Variants in WWP1 observed in about 807,000 individuals in gnomAD.
WWP1 encodes the protein NEDD4-like E3 ubiquitin-protein ligase WWP1.
WWP1 carries 49 observed loss-of-function variants against 130.6 expected under a neutral mutation model. The ratio of observed to expected loss-of-function variants is 0.38; its 90% CI spans 0.30 to 0.48. WWP1 has a LOEUF of 0.48. Among genes scored for constraint, WWP1 ranks in the 20% least tolerant of loss-of-function variants. WWP1 has a pLI of 0.99. For synonymous variants in WWP1, 332 were observed against 367.8 expected (o/e 0.90, Z 1.11); for missense variants, 809 against 1,100.6 (o/e 0.74, Z 3.75).
chr8:86,452,998 A>G lies in WWP1; in HGVS notation c.2394+319A>G, dbSNP rs1428511802. 8.5e-5 allele frequency among the ~76,000 whole-genome samples: 13 copies of G among 152,206 alleles called. 1 individual carries two copies. The highest frequency in any genetic ancestry group is 8.5e-4 in the Admixed American group (13 of 15,276). ...AGTTGCTTCAAAGATCAGAATTTTA[A>G]GTCATGAGTTCTTAGTGGTCTTAAC... On this transcript the variant is annotated intron_variant, in intron 21 of 24. Coordinates refer to ENST00000517970, the MANE Select transcript of WWP1 (RefSeq NM_007013.4).
intron 22 of WWP1, among the ~76,000 whole-genome samples, chr8:86,458,243 A>C (rs551498451): frequency 6.6e-6 from 1 of 152,320 alleles, no homozygotes; most frequent in South Asian, 2.1e-4. Flanking sequence ...GAGTGACAGA[A>C]TCTTATTTAA....
Position 86,377,462 on chromosome 8 carries a change from GT to G in WWP1, c.71-3261del, listed in dbSNP as rs542643911. Among the ~76,000 whole-genome samples the G allele has an allele frequency of 1.9e-4, 29 of 151,720 alleles. No individual in the cohort carries two copies. The South Asian group carries it at 6.0e-3, about 32-fold the overall frequency. ...ACCCCTCTAATATTGCAGTCTGGCT[GT>G]TTATTGTCTGTAAACCGAGGTTCTC... On this transcript the variant is annotated intron_variant, in intron 3 of 24. Coordinates refer to ENST00000517970, the MANE Select transcript of WWP1 (RefSeq NM_007013.4).
At chr8:86,445,100 C>T (rs1810789015) in intron 18 of WWP1, among the ~76,000 whole-genome samples, 2 of 152,126 alleles carry the variant, frequency 1.3e-5, no homozygotes, top group Non-Finnish European at 2.9e-5. Flanking sequence ...AAGTGCCATA[C>T]TCTTTTTAAA....
In WWP1 at chr8:86,457,976, T is replaced by C; in HGVS notation, c.2450T>C (p.Val817Ala). ...VDLADWQRNT[V>A]YRHYTRNSKQ... ...TTGGCAGATTGGCAGAGAAATACTG[T>C]TTATCGACATTATACAAGAAACAGC... Residue 817 changes from valine (V) to alanine (A), a missense_variant, in exon 22 of 25, where the codon GTT (valine) becomes GCT (alanine). Val to Ala is a moderately conservative substitution (Grantham distance 64). Around this residue, in one of 3 missense-constraint regions of WWP1, gnomAD observed 450 missense variants for 674.2 expected, o/e 0.67. Coordinates refer to ENST00000517970, the MANE Select transcript of WWP1 (RefSeq NM_007013.4). 1 of 1,613,078 alleles carries C rather than the reference T, an allele frequency of 6.2e-7. No homozygotes were observed. Among genetic ancestry groups the C allele is most frequent in the African/African-American group, 1.3e-5 (1 of 75,038 alleles).
intron 8 of WWP1, among the ~76,000 whole-genome samples, chr8:86,410,461 A>G (rs1048108183): frequency 1.3e-5 from 2 of 152,068 alleles, no homozygotes; most frequent in African/African-American, 4.8e-5. Context: ...TGTTTTCTTT[A>G]TAACACTTGG....
chr8:86,442,814 T>G (rs1260434355), intron 18 of WWP1, 36 bp downstream of exon 18: 8 of 1,544,188 alleles, frequency 5.2e-6, no homozygotes, highest in Non-Finnish European at 6.1e-6. Flanking sequence ...TATTTAAGTT[T>G]GTTACAAATG....
At chr8:86,408,633 G>A (rs1163527507) in intron 8 of WWP1, among the ~76,000 whole-genome samples, 5 of 152,166 alleles carry the variant, frequency 3.3e-5, no homozygotes, top group Admixed American at 1.3e-4. Context: ...TTTTCTTCAC[G>A]CTGGTTGTGC....
At chr8:86,426,056 G>A (rs1330718750) in intron 10 of WWP1, among the ~76,000 whole-genome samples, 1 of 152,220 alleles carries the variant, frequency 6.6e-6, no homozygotes, top group Non-Finnish European at 1.5e-5. Context: ...ATTCAAGGCA[G>A]AGAAATGTTA....
chr8:86,463,247 C>G (rs751182631), intron 24 of WWP1, among the ~76,000 whole-genome samples: 3 of 152,116 alleles, frequency 2.0e-5, no homozygotes, highest in Non-Finnish European at 4.4e-5. Flanking sequence ...GTGATAATTA[C>G]CACCATGAGC....
At chr8:86,389,622 GACAAAA>G in intron 5 of WWP1, among the ~76,000 whole-genome samples, 1 of 152,034 alleles carries the variant, frequency 6.6e-6, no homozygotes, top group Non-Finnish European at 1.5e-5. Flanking sequence ...TTTTCTATTC[GACAAAA>G]CCCCCATCAT....
At chr8:86,408,535 TTTA>T (rs1291960652) in intron 8 of WWP1, among the ~76,000 whole-genome samples, 1 of 152,206 alleles carries the variant, frequency 6.6e-6, no homozygotes, top group Non-Finnish European at 1.5e-5. Flanking sequence ...TTGTTTATTG[TTTA>T]TTATTATTTT....
At position 86,461,844 on chromosome 8, in the gene WWP1, A is replaced by G. The variant is rs768653240; in HGVS notation, c.2667A>G (p.Thr889=). ...GKDTWLPRSH[T]CFNRLDLPPY... ...ACACTTGGTTACCAAGAAGCCATACATGGTAAGTTCAAGAATCCTAAATAC... is the reference window on the plus strand; with the variant it reads ...ACACTTGGTTACCAAGAAGCCATACGTGGTAAGTTCAAGAATCCTAAATAC... Residue 889 remains threonine, a splice_region_variant and synonymous_variant, in exon 24 of 25, where the codon ACA becomes ACG. Coordinates refer to ENST00000517970, the MANE Select transcript of WWP1 (RefSeq NM_007013.4). The G allele has an allele frequency of 6.8e-6, 11 of 1,612,668 alleles. No homozygotes were observed. The highest frequency in any genetic ancestry group is 6.7e-5 in the Admixed American group (4 of 59,896).
At chr8:86,351,199 A>G (rs951825522) in intron 1 of WWP1, among the ~76,000 whole-genome samples, 1 of 152,232 alleles carries the variant, frequency 6.6e-6, no homozygotes, top group African/African-American at 2.4e-5. Flanking sequence ...AAGCCCTTAA[A>G]TCATGTTTAT....
chr8:86,392,449 T>A (rs1190269251), intron 5 of WWP1, among the ~76,000 whole-genome samples: 1 of 152,212 alleles, frequency 6.6e-6, no homozygotes, highest in Non-Finnish European at 1.5e-5. Context: ...TGAGGTTTTT[T>A]ATTTATTTTA....
intron 3 of WWP1, among the ~76,000 whole-genome samples, chr8:86,376,254 A>T (rs1195534533): frequency 6.6e-6 from 1 of 152,214 alleles, no homozygotes; most frequent in African/African-American, 2.4e-5. Context: ...TGACCTATGT[A>T]TAAGAGTTCT....
rs1266496995 is a variant in WWP1 at position 86,433,648 on chromosome 8, A to C, written c.1602-1804A>C. Among the ~76,000 whole-genome samples the C allele has an allele frequency of 2.0e-5, 3 of 152,124 alleles. No individual in the cohort carries two copies. In the East Asian group the frequency reaches 5.8e-4, roughly 29 times the overall value. On this transcript the variant is annotated intron_variant, in intron 14 of 24. Coordinates refer to ENST00000517970, the MANE Select transcript of WWP1 (RefSeq NM_007013.4). ...TCCACTCTAGCAGGTGCTTGGGTCA[A>C]AAATTTTGAAATCACCTTGTTATGG...
chr8:86,379,858 C>T (rs1824881189), intron 3 of WWP1, among the ~76,000 whole-genome samples: 1 of 152,020 alleles, frequency 6.6e-6, no homozygotes, highest in Non-Finnish European at 1.5e-5. Context: ...GACACTTTTC[C>T]CTTGATCTTT....
At chr8:86,381,662 T>C in intron 5 of WWP1, 33 bp downstream of exon 5, 3 of 1,544,006 alleles carry the variant, frequency 1.9e-6, no homozygotes, top group Non-Finnish European at 2.6e-6. Flanking sequence ...TATTTCCTTA[T>C]AAGTTTATTT....
chr8:86,361,018 TG>T (rs1480673094), intron 1 of WWP1, among the ~76,000 whole-genome samples: 1 of 151,962 alleles, frequency 6.6e-6, no homozygotes, highest in Non-Finnish European at 1.5e-5. Context: ...AAGGAAGAGG[TG>T]GGGCAACAGA....
Sources: gnomAD v4.1 joint callset for allele counts (sites outside exome capture counted in the v4.1 genomes callset) on GRCh38, gnomAD v4.1.1 for gene constraint, gnomAD v4.1.1 regional missense constraint, MANE v1.5 for transcripts, NCBI Gene and HGNC (gene_info 2026-07-23, HGNC 2026-07-21) for gene names.